The following VPS13A variants were observed in gnomAD, a reference collection of about 807,000 sequenced individuals.
VPS13A encodes the protein intermembrane lipid transfer protein VPS13A.
VPS13A carries 264 observed loss-of-function variants against 390.9 expected under a neutral mutation model. That is an observed-to-expected ratio of 0.68 (90% CI 0.61 to 0.75). VPS13A has a LOEUF of 0.75. Ranked by LOEUF, VPS13A falls within the 30% of genes least tolerant of loss-of-function variation. The pLI is 0.00. For synonymous variants in VPS13A, 1,231 were observed against 1,227.1 expected (o/e 1.00, Z -0.07); for missense variants, 3,409 against 3,733.9 (o/e 0.91, Z 2.27).
At chr9:77,399,422 C>G (rs1032566308) in intron 68 of VPS13A, among the ~76,000 whole-genome samples, 2 of 151,880 alleles carry the variant, frequency 1.3e-5, no homozygotes, top group African/African-American at 4.8e-5. Flanking sequence ...TAAGTTGGGT[C>G]TGGAAAGTAG....
chr9:77,243,935 A>G (rs1824654395), intron 19 of VPS13A, among the ~76,000 whole-genome samples: 1 of 152,198 alleles, frequency 6.6e-6, no homozygotes, highest in Admixed American at 6.5e-5. Context: ...CCAAAGAGTA[A>G]CTTTAAAGAA....
intron 1 of VPS13A, chr9:77,178,007 G>T (rs1265347639): frequency 1.8e-6 from 1 of 559,624 alleles, no homozygotes; most frequent in Admixed American, 3.1e-5. Context: ...TATTTTGGGG[G>T]AAAGGAGAGG....
chr9:77,205,032 TG>T (rs1825555859), intron 3 of VPS13A, among the ~76,000 whole-genome samples: 1 of 152,224 alleles, frequency 6.6e-6, no homozygotes, highest in African/African-American at 2.4e-5. Context: ...AGAAGAACAT[TG>T]TTTTGTTTAT....
intron 59 of VPS13A, among the ~76,000 whole-genome samples, chr9:77,360,874 G>A (rs1247923638): frequency 2.0e-5 from 3 of 151,986 alleles, no homozygotes; most frequent in Admixed American, 2.0e-4. Flanking sequence ...AATTTGTCAT[G>A]TTCACATCAC....
intron 24 of VPS13A, among the ~76,000 whole-genome samples, chr9:77,273,771 C>CCGTTG (rs1471485323): frequency 6.6e-6 from 1 of 152,074 alleles, no homozygotes; most frequent in Non-Finnish European, 1.5e-5. Context: ...AGTGTTTTCT[C>CCGTTG]CGTTGATAAG....
intron 52 of VPS13A, among the ~76,000 whole-genome samples, chr9:77,349,336 T>C (rs1010028672): frequency 6.6e-6 from 1 of 152,166 alleles, no homozygotes; most frequent in Non-Finnish European, 1.5e-5. Context: ...AGGGGTTACA[T>C]GTGCAGGTTT....
chr9:77,314,357 C>G (rs1011693255), intron 36 of VPS13A, 138 bp from the exon 37 acceptor site: 1 of 974,110 alleles, frequency 1.0e-6, no homozygotes, highest in African/African-American at 1.7e-5. Flanking sequence ...ATATTTTTAG[C>G]CTTTCATTAG....
chr9:77,195,684 C>T (rs1473859778), intron 1 of VPS13A, among the ~76,000 whole-genome samples: 1 of 152,166 alleles, frequency 6.6e-6, no homozygotes, highest in East Asian at 1.9e-4. Flanking sequence ...TTGCAGTGAG[C>T]TGAGATCGTG....
chr9:77,318,404 T>G lies in VPS13A; in HGVS notation c.5126T>G (p.Ile1709Arg). 1 of 1,613,810 alleles carries G rather than the reference T, an allele frequency of 6.2e-7. No homozygotes were observed. The highest frequency in any genetic ancestry group is 8.5e-7 in the Non-Finnish European group (1 of 1,179,878). The change falls in exon 41 of 72, where the codon ATA becomes AGA. Residue 1709 changes from isoleucine (I) to arginine (R), a missense_variant. By Grantham distance (97) the Ile-to-Arg change is moderately conservative. Around this residue, in one of 5 missense-constraint regions of VPS13A, gnomAD observed 2,717 missense variants for 2,917.4 expected, o/e 0.93. Transcript: ENST00000360280. ...GAAGAATCAAATGAAACTGAAAAAA[T>G]AGCTCCCACAACTGAATTGGTACCC... is the stretch of plus-strand genomic sequence containing the variant. The part of the protein sequence containing the change: ...FLEESNETEK[I>R]APTTELVPKG...
intron 10 of VPS13A, 128 bp downstream of exon 10, chr9:77,214,514 G>A (rs558283075): frequency 8.3e-5 from 54 of 648,854 alleles, no homozygotes; most frequent in African/African-American, 7.0e-4. Context: ...TATTTATAAT[G>A]TATATACAAA....
chr9:77,198,235 C>T (rs1825116601), intron 1 of VPS13A, among the ~76,000 whole-genome samples: 1 of 151,930 alleles, frequency 6.6e-6, no homozygotes, highest in African/African-American at 2.4e-5. Flanking sequence ...AGGCATTTTG[C>T]TAGATGGCTT....
chr9:77,225,340 C>A (rs1241314575), intron 13 of VPS13A, among the ~76,000 whole-genome samples: 1 of 152,076 alleles, frequency 6.6e-6, no homozygotes, highest in Non-Finnish European at 1.5e-5. Context: ...CACCATGACC[C>A]CTCAGACTTA....
intron 7 of VPS13A, among the ~76,000 whole-genome samples, chr9:77,211,054 A>G (rs1026838906): frequency 6.6e-6 from 1 of 152,190 alleles, no homozygotes; most frequent in African/African-American, 2.4e-5. Flanking sequence ...ATATTGTAGC[A>G]TAGTGTTTTC....
At chr9:77,325,121 C>T (rs1829940216) in intron 45 of VPS13A, among the ~76,000 whole-genome samples, 1 of 152,194 alleles carries the variant, frequency 6.6e-6, no homozygotes, top group Non-Finnish European at 1.5e-5. Flanking sequence ...TGGATTTAAC[C>T]ACAGATCATC....
intron 22 of VPS13A, among the ~76,000 whole-genome samples, chr9:77,257,984 C>A (rs912703770): frequency 1.3e-5 from 2 of 152,120 alleles, no homozygotes; most frequent in African/African-American, 4.8e-5. Context: ...ATAACATTTG[C>A]TTTATACTCA....
At chr9:77,310,811 A>G (rs941948546) in intron 35 of VPS13A, among the ~76,000 whole-genome samples, 6 of 152,210 alleles carry the variant, frequency 3.9e-5, no homozygotes, top group Non-Finnish European at 5.9e-5. Flanking sequence ...TGATGTAACA[A>G]GAAATAGATG....
chr9:77,325,736 C>G (rs1564730874), intron 45 of VPS13A, among the ~76,000 whole-genome samples: 1 of 152,038 alleles, frequency 6.6e-6, no homozygotes, highest in Non-Finnish European at 1.5e-5. Flanking sequence ...TATTTTGCCC[C>G]TTCACATACA....
At chr9:77,194,111 A>G (rs924297226) in intron 1 of VPS13A, among the ~76,000 whole-genome samples, 3 of 152,068 alleles carry the variant, frequency 2.0e-5, no homozygotes, top group Non-Finnish European at 2.9e-5. Flanking sequence ...TAAGGCCTGC[A>G]TATACATTGG....
At chr9:77,223,543 T>A (rs1823339259) in intron 13 of VPS13A, among the ~76,000 whole-genome samples, 2 of 152,050 alleles carry the variant, frequency 1.3e-5, no homozygotes, top group African/African-American at 4.8e-5. Flanking sequence ...AGTGTTCTAG[T>A]GGTCTAGATA....
Sources: gnomAD v4.1 joint callset for allele counts (sites outside exome capture counted in the v4.1 genomes callset) on GRCh38, gnomAD v4.1.1 for gene constraint, gnomAD v4.1.1 regional missense constraint, MANE v1.5 for transcripts, NCBI Gene and HGNC (gene_info 2026-07-23, HGNC 2026-07-21) for gene names.